The following CROCC2 variants were observed in gnomAD, a reference collection of about 807,000 sequenced individuals.
CROCC2 encodes the protein ciliary rootlet coiled-coil, rootletin family member 2.
A neutral mutation model predicts 177.6 loss-of-function variants in CROCC2; 163 were observed. The ratio of observed to expected loss-of-function variants is 0.92; its 90% CI spans 0.81 to 1.05. The LOEUF (loss-of-function observed/expected upper bound fraction) is 1.05, where lower values mean the gene tolerates loss of function less well. Ranked by LOEUF, CROCC2 falls within the 50% of genes least tolerant of loss-of-function variation. CROCC2 has a pLI of 0.00. For synonymous variants in CROCC2, 904 were observed against 787.3 expected, an observed-to-expected ratio of 1.15 and a Z score of -2.48; for missense variants, 1,929 against 1,797.8, an observed-to-expected ratio of 1.07 and a Z score of -1.32.
chr2:240,949,745 C>G lies in CROCC2; in HGVS notation c.2652+43C>G. 1 of 1,503,882 alleles carries G rather than the reference C, an allele frequency of 6.6e-7. No individual in the cohort carries two copies. Among genetic ancestry groups the G allele is most frequent in the Non-Finnish European group, 8.9e-7 (1 of 1,119,310 alleles). 93.2% of individuals were successfully genotyped at this position (1,503,882 alleles called of 1,614,324 possible). A position where few individuals can be genotyped will look rare whatever the true frequency, so the allele number is the denominator to read the frequency against. ...CCACCAGTAGCTTCCTAGAAGGCTA[C>G]CAGGTCCCGGGGAATGGCAGGCCCT... On this transcript the variant is annotated intron_variant, in intron 17 of 31. Transcript: ENST00000690015. The surrounding 1 kb of genome is among the most constrained non-coding windows in gnomAD (Gnocchi z 4.5).
At chr2:240,981,034 G>T (rs188304615) in intron 27 of CROCC2, among the ~76,000 whole-genome samples, 13 of 107,774 alleles carry the variant, frequency 1.2e-4, no homozygotes, top group Non-Finnish European at 8.9e-5. Context: ...AGCCTCAGGA[G>T]CCCAGGCTCA....
rs1574747457 is a variant in CROCC2 at position 240,920,251 on chromosome 2, G to T, written c.381+117G>T. On this transcript the variant is annotated intron_variant, in intron 3 of 31. Coordinates refer to ENST00000690015, the MANE Select transcript of CROCC2 (RefSeq NM_001351305.2). ...GACCATCGGCAATTTCTAAGACTCG[G>T]AAAGACAGAGTGTCAGCCACGTGAC... 10 of 584,318 alleles carry T rather than the reference G, an allele frequency of 1.7e-5. 3 individuals are homozygous for T. In the Admixed American group the frequency reaches 3.1e-4, roughly 18 times the overall value. 36.2% of individuals were successfully genotyped at this position (584,318 alleles called of 1,614,324 possible).
intron 1 of CROCC2, among the ~76,000 whole-genome samples, chr2:240,915,724 A>AC (rs2059315736): frequency 6.6e-6 from 1 of 150,454 alleles, no homozygotes; most frequent in South Asian, 2.1e-4. Context: ...CTGCTGGGCC[A>AC]CCCCCCTCAG....
intron 1 of CROCC2, among the ~76,000 whole-genome samples, chr2:240,914,179 A>C (rs1054676426): frequency 6.6e-6 from 1 of 152,176 alleles, no homozygotes; most frequent in Non-Finnish European, 1.5e-5. Flanking sequence ...GCCGCTGGGA[A>C]GGCTCATCAG....
At chr2:240,944,882 G>C (rs73107818) in intron 14 of CROCC2, among the ~76,000 whole-genome samples, 8 of 152,042 alleles carry the variant, frequency 5.3e-5, no homozygotes, top group Non-Finnish European at 7.4e-5. Flanking sequence ...ATAATTTGAG[G>C]ATCTTGATGA....
chr2:240,964,249 A>G, intron 21 of CROCC2: 1 of 602,582 alleles, frequency 1.7e-6, no homozygotes, highest in Non-Finnish European at 3.0e-6. Flanking sequence ...GGGGCTGAAG[A>G]GGTGGATAGT....
chr2:240,907,037 G>A (rs964851694), intron 1 of CROCC2, among the ~76,000 whole-genome samples: 11 of 152,160 alleles, frequency 7.2e-5, no homozygotes, highest in Middle Eastern at 3.4e-3. Context: ...TGGCAGCCAC[G>A]GGTTTGCAGG....
chr2:240,951,082 TC>T (rs2059553217), intron 18 of CROCC2, among the ~76,000 whole-genome samples: 2 of 144,288 alleles, frequency 1.4e-5, no homozygotes, highest in African/African-American at 5.6e-5. Flanking sequence ...CACCTCCTCA[TC>T]CATCCATCCA....
In CROCC2 at chr2:240,917,588, G is replaced by A. The variant is rs530366737; in HGVS notation, c.79-1138G>A. 3.9e-5 allele frequency among the ~76,000 whole-genome samples: 6 copies of A among 152,242 alleles called. No homozygotes were observed. Among genetic ancestry groups the A allele is most frequent in the South Asian group, 2.1e-4 (1 of 4,828 alleles). On this transcript the variant is annotated intron_variant, in intron 1 of 31. Coordinates refer to ENST00000690015, the MANE Select transcript of CROCC2 (RefSeq NM_001351305.2). This position sits in a 1 kb window ranked among gnomAD's most constrained non-coding sequence, Gnocchi z 4.9. ...GCACAAGGTGGGGGAGCTGCCCTGC[G>A]GACCCCAGGGAGAGGGGTCCTCTGT... is the stretch of plus-strand genomic sequence containing the variant.
chr2:240,990,741 C>T (rs1325533515), intron 30 of CROCC2, among the ~76,000 whole-genome samples: 1 of 152,168 alleles, frequency 6.6e-6, no homozygotes, highest in Non-Finnish European at 1.5e-5. Flanking sequence ...CACCACCATG[C>T]CTGGCTAATT....
rs1268546096 is a variant in CROCC2, at chr2:240,922,406, C to A, written c.382-133C>A. On this transcript the variant is annotated intron_variant, in intron 3 of 31. Transcript: ENST00000690015. ...AGGGCCTGGGCCTCACCAGACCCAA[C>A]CCCAGCCCCTGCTGTGGGGCCCCAG... The A allele has an allele frequency of 7.0e-6, 4 of 573,684 alleles. No individual in the cohort carries two copies. The Admixed American group carries it at 1.1e-4, about 16-fold the overall frequency. 35.5% of individuals were successfully genotyped at this position (573,684 alleles called of 1,614,324 possible).
chr2:240,963,786 C>A lies in CROCC2; in HGVS notation c.3305+13C>A. The stretch of plus-strand genomic sequence containing the variant: ...AGGAGAAGGCCAGGTATGGCGGCCA[C>A]CCAGGAGCAGCTGGGGGTGCCCTGC... On this transcript the variant is annotated intron_variant, in intron 21 of 31. Transcript: ENST00000690015. 1 of 1,545,186 alleles carries A rather than the reference C, an allele frequency of 6.5e-7. No homozygotes were observed. Among genetic ancestry groups the A allele is most frequent in the Non-Finnish European group, 8.7e-7 (1 of 1,143,148 alleles).
At position 240,988,815 on chromosome 2, in the gene CROCC2, T is replaced by C. The variant is rs73107881; in HGVS notation, c.4628T>C (p.Leu1543Pro). The C allele has an allele frequency of 2.5e-3, 3,850 of 1,517,076 alleles. 102 individuals are homozygous for C. In the African/African-American group the frequency reaches 0.048, roughly 19 times the overall value. 94.0% of individuals were successfully genotyped at this position (1,517,076 alleles called of 1,614,324 possible). A position where few individuals can be genotyped will look rare whatever the true frequency, so the allele number is the denominator to read the frequency against. ...GAGAAGGAGCAGCTGGACCAGTCTC[T>C]GAACAGCCTGCACCAGGAGGTGGAC... ...GAEKEQLDQSLNSLHQEVDGA... is the reference protein window; with the variant it reads ...GAEKEQLDQSPNSLHQEVDGA... The change falls in exon 29 of 32, where the codon CTG becomes CCG. Residue 1543 changes from leucine to proline, a missense_variant. Leu to Pro is a moderately conservative substitution (Grantham distance 98). Coordinates refer to ENST00000690015, the MANE Select transcript of CROCC2 (RefSeq NM_001351305.2).
intron 20 of CROCC2, among the ~76,000 whole-genome samples, chr2:240,962,074 T>TCACA (rs36166235): frequency 0.013 from 1,397 of 108,918 alleles, 12 homozygotes; most frequent in African/African-American, 0.048. Flanking sequence ...TCACACGCAC[T>TCACA]CACACTCACA....
chr2:240,964,709 C>CCTGGCAG, intron 22 of CROCC2, 84 bp downstream of exon 22: 1 of 1,442,730 alleles, frequency 6.9e-7, no homozygotes. Context: ...AGCCCCCAGC[C>CCTGGCAG]CTGGCCTTGC....
chr2:240,933,741 A>G lies in CROCC2; in HGVS notation c.1535A>G (p.Gln512Arg). 2 of 1,550,120 alleles carry G rather than the reference A, an allele frequency of 1.3e-6. No homozygotes were observed. Among genetic ancestry groups the G allele is most frequent in the Non-Finnish European group, 1.7e-6 (2 of 1,146,836 alleles). The change falls in exon 11 of 32, where the codon CAG becomes CGG. Residue 512 changes from glutamine (Q) to arginine (R), a missense_variant. By Grantham distance (43) the Gln-to-Arg change is conservative. Coordinates refer to ENST00000690015, the MANE Select transcript of CROCC2 (RefSeq NM_001351305.2). ...GKADAADAEK[Q>R]GLEAEAAELQ... ...GCAGATGCTGCAGATGCGGAGAAGCAGGGGCTGGAGGCCGAGGCTGCAGAG... is the reference window on the plus strand; with the variant it reads ...GCAGATGCTGCAGATGCGGAGAAGCGGGGGCTGGAGGCCGAGGCTGCAGAG...
chr2:240,958,111 A>C lies in CROCC2; in HGVS notation c.2944-1190A>C. On this transcript the variant is annotated intron_variant, in intron 19 of 31. Coordinates refer to ENST00000690015, the MANE Select transcript of CROCC2 (RefSeq NM_001351305.2). This position sits in a 1 kb window ranked among gnomAD's most constrained non-coding sequence, Gnocchi z 6.7. ...TTGCCACCTCGGCTCAGAAAATGGA[A>C]ATTAAAACTGTTGAGAGGAGCGGGA... The C allele has an allele frequency of 1.1e-5, 11 of 985,338 alleles. No homozygotes were observed. The highest frequency in any genetic ancestry group is 1.3e-5 in the Non-Finnish European group (11 of 829,900). The allele number at this position is 985,338 out of a possible 1,614,324, so 61.0% of individuals were successfully genotyped here. A position where few individuals can be genotyped will look rare whatever the true frequency, so the allele number is the denominator to read the frequency against.
At chr2:240,914,786 G>A (rs2059309357) in intron 1 of CROCC2, among the ~76,000 whole-genome samples, 1 of 152,194 alleles carries the variant, frequency 6.6e-6, no homozygotes, top group Admixed American at 6.5e-5. Flanking sequence ...GGGACGACGG[G>A]GTGGTGGGGC....
chr2:240,968,410 C>T (rs944849930), intron 27 of CROCC2, 148 bp downstream of exon 27: 1 of 1,060,378 alleles, frequency 9.4e-7, no homozygotes. Flanking sequence ...CTGGAGCCAG[C>T]CCGGTGGGGC....
Sources: gnomAD v4.1 joint callset for allele counts (sites outside exome capture counted in the v4.1 genomes callset) on GRCh38, gnomAD v4.1.1 for gene constraint, Gnocchi (gnomAD v3.1) non-coding constraint, MANE v1.5 for transcripts, NCBI Gene and HGNC (gene_info 2026-07-23, HGNC 2026-07-21) for gene names.